The following LIPK variants were observed in gnomAD, a reference collection of about 807,000 sequenced individuals.
The protein encoded by LIPK is lipase family member K.
A neutral mutation model predicts 48.6 loss-of-function variants in LIPK; 32 were observed. The ratio of observed to expected loss-of-function variants is 0.66; its 90% CI spans 0.50 to 0.88. The LOEUF (loss-of-function observed/expected upper bound fraction) is 0.88, where lower values mean the gene tolerates loss of function less well. LIPK is among the 40% of genes least tolerant of loss of function. The pLI is 0.00. For synonymous variants in LIPK, 164 were observed against 157.4 expected (o/e 1.04, Z -0.32); for missense variants, 507 against 478.5 (o/e 1.06, Z -0.56).
chr10:88,726,544 T>C (rs1842345100), intron 2 of LIPK, among the ~76,000 whole-genome samples: 1 of 152,034 alleles, frequency 6.6e-6, no homozygotes, highest in East Asian at 1.9e-4. Context: ...ATACAAAAAA[T>C]GTAGCTGGCC....
intron 6 of LIPK, among the ~76,000 whole-genome samples, chr10:88,735,364 T>C (rs12777810): frequency 6.6e-6 from 1 of 152,234 alleles, no homozygotes; most frequent in African/African-American, 2.4e-5. Flanking sequence ...TTAAAGATTG[T>C]TAGTACTGTC....
At chr10:88,729,254 G>C (rs1049919725) in intron 3 of LIPK, among the ~76,000 whole-genome samples, 1 of 80,830 alleles carries the variant, frequency 1.2e-5, no homozygotes, top group Non-Finnish European at 3.5e-5. Flanking sequence ...CTATCTGTTG[G>C]GGGGGGGGGG....
At chr10:88,724,691 T>G in intron 2 of LIPK, 43 bp downstream of exon 2, 1 of 1,378,106 alleles carries the variant, frequency 7.3e-7, no homozygotes, top group Admixed American at 2.4e-5. Context: ...TAAGGAATTA[T>G]TCATATTTCA....
chr10:88,709,227 T>C (rs555294451), intron 1 of LIPK, among the ~76,000 whole-genome samples: 1 of 152,324 alleles, frequency 6.6e-6, no homozygotes, highest in Non-Finnish European at 1.5e-5. Flanking sequence ...CCACAATTTT[T>C]TGAACTCTTT....
chr10:88,725,317 C>T (rs1273112430), intron 2 of LIPK, among the ~76,000 whole-genome samples: 1 of 152,230 alleles, frequency 6.6e-6, no homozygotes, highest in African/African-American at 2.4e-5. Context: ...TCCTACCAAA[C>T]TGTTGAACTC....
chr10:88,708,329 A>G (rs1841971882), intron 1 of LIPK, among the ~76,000 whole-genome samples: 1 of 152,114 alleles, frequency 6.6e-6, no homozygotes. Flanking sequence ...CCAATAAGTA[A>G]ATTAGTGGAA....
intron 1 of LIPK, among the ~76,000 whole-genome samples, chr10:88,709,710 T>C (rs186543565): frequency 1.4e-4 from 22 of 152,274 alleles, no homozygotes; most frequent in Admixed American, 7.9e-4. Context: ...ACTGCTATTT[T>C]ATTAAGGTCA....
At chr10:88,736,319 T>C (rs1842570641) in intron 6 of LIPK, among the ~76,000 whole-genome samples, 1 of 152,206 alleles carries the variant, frequency 6.6e-6, no homozygotes, top group Non-Finnish European at 1.5e-5. Flanking sequence ...TTGTACATAT[T>C]ATCTGATTGA....
chr10:88,725,657 C>A lies in LIPK; in HGVS notation c.105+1009C>A, dbSNP rs192069583. On this transcript the variant is annotated intron_variant, in intron 2 of 9. Coordinates refer to ENST00000404190, the MANE Select transcript of LIPK (RefSeq NM_001080518.2). ...TGGATAAATTGTTAATCTACCTGAA[C>A]ATAAGTTCTCTCAACTGTAAATGGT... Among the ~76,000 whole-genome samples, 6 of 152,316 alleles carry A rather than the reference C, an allele frequency of 3.9e-5. No homozygotes were observed. In the East Asian group the frequency reaches 1.2e-3, roughly 29 times the overall value.
intron 4 of LIPK, among the ~76,000 whole-genome samples, chr10:88,731,561 G>A (rs1260171122): frequency 6.6e-6 from 1 of 152,244 alleles, no homozygotes; most frequent in Non-Finnish European, 1.5e-5. Context: ...TGATGCACTG[G>A]CATAGGAGCT....
chr10:88,735,327 CT>C (rs1287446531), intron 6 of LIPK, among the ~76,000 whole-genome samples: 1 of 152,068 alleles, frequency 6.6e-6, no homozygotes, highest in Non-Finnish European at 1.5e-5. Context: ...TGCTTTGATC[CT>C]TTGCTTTTGA....
In LIPK at chr10:88,731,190, A is replaced by G. The variant is rs1017134493; in HGVS notation, c.422+9A>G. 1 of 1,520,532 alleles carries G rather than the reference A, an allele frequency of 6.6e-7. No individual in the cohort carries two copies. The highest frequency in any genetic ancestry group is 1.3e-5 in the South Asian group (1 of 75,546). 94.2% of individuals were successfully genotyped at this position (1,520,532 alleles called of 1,614,324 possible). On this transcript the variant is annotated intron_variant, in intron 4 of 9. Transcript: ENST00000404190. ...GAATACTGGGCCTTCAGGTAAAGAGAAACCTATTAATGAATAAAATGTGTA... is the reference window on the plus strand; with the variant it reads ...GAATACTGGGCCTTCAGGTAAAGAGGAACCTATTAATGAATAAAATGTGTA...
intron 4 of LIPK, 140 bp from the exon 5 acceptor site, chr10:88,732,038 T>C (rs1842477174): frequency 3.8e-6 from 2 of 524,936 alleles, no homozygotes; most frequent in Admixed American, 3.6e-5. Context: ...AAAAGTTGCA[T>C]AGTTGCCTAA....
chr10:88,707,225 T>C (rs1841952234), intron 1 of LIPK, among the ~76,000 whole-genome samples: 1 of 152,104 alleles, frequency 6.6e-6, no homozygotes, highest in Admixed American at 6.6e-5. Flanking sequence ...TTGGCATACT[T>C]AGCACTTCAG....
intron 2 of LIPK, among the ~76,000 whole-genome samples, chr10:88,725,880 T>A (rs571220012): frequency 6.6e-6 from 1 of 152,296 alleles, no homozygotes; most frequent in South Asian, 2.1e-4. Context: ...TAAGGACAGG[T>A]CAACAAGCTC....
At chr10:88,716,421 G>A (rs1842120131) in intron 1 of LIPK, among the ~76,000 whole-genome samples, 1 of 134,166 alleles carries the variant, frequency 7.5e-6, no homozygotes, top group Non-Finnish European at 1.5e-5. Flanking sequence ...GCAGTGGCCC[G>A]ATCTCGGTTC....
intron 3 of LIPK, among the ~76,000 whole-genome samples, 165 bp downstream of exon 3, chr10:88,727,077 GTTTTAAGTCAC>G (rs1365974762): frequency 1.3e-5 from 2 of 152,158 alleles, no homozygotes; most frequent in African/African-American, 4.8e-5. Flanking sequence ...TAACTTTGAA[GTTTTAAGTCAC>G]TTTTACATAC....
intron 9 of LIPK, among the ~76,000 whole-genome samples, chr10:88,751,624 C>T (rs1166023114): frequency 6.6e-6 from 1 of 152,082 alleles, no homozygotes; most frequent in Non-Finnish European, 1.5e-5. Context: ...TTGTGAAAAA[C>T]CTGACTTTTC....
intron 1 of LIPK, among the ~76,000 whole-genome samples, chr10:88,717,308 A>T (rs1483521950): frequency 5.9e-5 from 9 of 152,168 alleles, no homozygotes; most frequent in Non-Finnish European, 1.2e-4. Context: ...TGCTTGAGTT[A>T]TTTTAGAAAC....
Sources: allele counts gnomAD v4.1 joint callset (sites outside exome capture counted in the v4.1 genomes callset), GRCh38; gene constraint gnomAD v4.1.1; transcripts MANE v1.5; gene names NCBI Gene and HGNC (gene_info 2026-07-23, HGNC 2026-07-21).